Variants in NOTCH2 observed in about 807,000 individuals in gnomAD.
NOTCH2 encodes notch receptor 2.
A neutral mutation model predicts 235.8 loss-of-function variants in NOTCH2; 29 were observed. That is an observed-to-expected ratio of 0.12 (90% CI 0.09 to 0.17). The LOEUF is 0.17. Ranked by LOEUF, NOTCH2 falls within the 10% of genes least tolerant of loss-of-function variation. The probability of loss-of-function intolerance (pLI) is 1.00; values close to 1 mark genes in which losing one functional copy is unlikely to be tolerated. For missense variants in NOTCH2, 2,285 were observed against 3,150.2 expected (o/e 0.73, Z 6.57); for synonymous variants, 1,086 against 1,141.5 (o/e 0.95, Z 0.98).
At chr1:119,918,294 T>A in intron 32 of NOTCH2, 112 bp downstream of exon 32, 1 of 1,169,128 alleles carries the variant, frequency 8.6e-7, no homozygotes, top group Non-Finnish European at 1.3e-6. Flanking sequence ...AATGAGTGAA[T>A]CTCTCACGTA....
rs782806526 is a variant in NOTCH2 at position 119,948,501 on chromosome 1, G to A, written c.2665C>T (p.His889Tyr). Residue 889 changes from histidine to tyrosine, a missense_variant, in exon 17 of 34, where the codon CAT becomes TAT. By Grantham distance (83) the His-to-Tyr change is moderately conservative. Around this residue, in one of 6 missense-constraint regions of NOTCH2, gnomAD observed 1,173 missense variants for 1,515.3 expected, o/e 0.77. Transcript: ENST00000256646. ...SKPCMNHGLC[H>Y]NTQGSYMCEC... ...CACATGTAGCTGCCCTGGGTGTTAT[G>A]GCAGAGACCATGGTTCATGCAGGGC... is the stretch of plus-strand genomic sequence containing the variant. 6.2e-7 allele frequency: 1 copy of A among 1,614,156 alleles called. No homozygotes were observed. The highest frequency in any genetic ancestry group is 1.7e-5 in the Admixed American group (1 of 60,024).
At chr1:120,026,952 T>C (rs1303922475) in intron 2 of NOTCH2, among the ~76,000 whole-genome samples, 2 of 112,098 alleles carry the variant, frequency 1.8e-5, no homozygotes, top group Non-Finnish European at 3.7e-5. Flanking sequence ...TCCATTTTCT[T>C]TTTTTTTTTT....
intron 6 of NOTCH2, among the ~76,000 whole-genome samples, chr1:119,968,566 G>A (rs1265381317): frequency 1.3e-5 from 2 of 152,188 alleles, no homozygotes; most frequent in Non-Finnish European, 2.9e-5. Context: ...ATAAAATAGA[G>A]GATGTCCAGT....
Position 119,925,756 on chromosome 1 carries a change from C to A in NOTCH2, c.4060G>T (p.Gly1354Trp). ...SSCGQVKCRK[G>W]EQCVHTASGP... ...GAGGCGGTGTGCACACACTGCTCCC[C>A]CTTCCTACATTTCACTTGTCCACAG... Residue 1354 changes from glycine to tryptophan, a missense_variant, in exon 25 of 34, where the codon GGG becomes TGG. Physicochemically the swap from Gly to Trp is radical, Grantham distance 184 (BLOSUM62 -2). Transcript: ENST00000256646. The A allele has an allele frequency of 6.2e-7, 1 of 1,614,142 alleles. No individual in the cohort carries two copies. The highest frequency in any genetic ancestry group is 1.1e-5 in the South Asian group (1 of 91,080).
At chr1:119,949,846 T>C (rs1650401745) in intron 15 of NOTCH2, among the ~76,000 whole-genome samples, 1 of 152,186 alleles carries the variant, frequency 6.6e-6, no homozygotes, top group African/African-American at 2.4e-5. Context: ...TCAGCCATGC[T>C]CCTGACTGCA....
intron 17 of NOTCH2, among the ~76,000 whole-genome samples, chr1:119,943,609 A>G (rs1650145439): frequency 6.6e-6 from 1 of 152,228 alleles, no homozygotes; most frequent in Non-Finnish European, 1.5e-5. Context: ...TTTTTTTAAA[A>G]AAGATTTTTA....
intron 4 of NOTCH2, chr1:119,995,828 C>T (rs1481076354): frequency 2.6e-5 from 4 of 152,158 alleles, no homozygotes; most frequent in Non-Finnish European, 5.9e-5. Flanking sequence ...GCAGTCAATA[C>T]ATTTTTACCA....
At chr1:119,984,100 C>T (rs924794770) in intron 5 of NOTCH2, among the ~76,000 whole-genome samples, 2 of 152,150 alleles carry the variant, frequency 1.3e-5, no homozygotes, top group African/African-American at 4.8e-5. Context: ...GAAAAAGCAT[C>T]AGACTGAATC....
intron 31 of NOTCH2, among the ~76,000 whole-genome samples, 181 bp from the exon 32 acceptor site, chr1:119,918,734 G>GAATA (rs1649171258): frequency 6.6e-6 from 1 of 152,190 alleles, no homozygotes; most frequent in African/African-American, 2.4e-5. Context: ...TTTGTTGCAT[G>GAATA]AATAAATAAA....
chr1:120,048,002 G>A (rs587637026), intron 1 of NOTCH2, among the ~76,000 whole-genome samples: 3 of 151,638 alleles, frequency 2.0e-5, no homozygotes, highest in East Asian at 2.0e-4. Context: ...TCCTGATCTC[G>A]TGATCCGCCT....
rs781955440 is a variant in NOTCH2 at position 120,005,423 on chromosome 1, A to C, written c.321T>G (p.His107Gln). ...GGCAGGGTCGAGACACAAAGCATGG[A>C]TGAGATGTTGAGTACTGGCAGTCCT... ...TGEDCQYSTSHPCFVSRPCLN... is the reference protein window; with the variant it reads ...TGEDCQYSTSQPCFVSRPCLN... The change falls in exon 3 of 34, where the codon CAT becomes CAG. Residue 107 changes from histidine to glutamine, a missense_variant. Transcript: ENST00000256646. The C allele has an allele frequency of 6.2e-7, 1 of 1,614,020 alleles. No homozygotes were observed. The highest frequency in any genetic ancestry group is 1.1e-5 in the South Asian group (1 of 91,064).
Position 119,915,999 on chromosome 1 carries a change from C to G in NOTCH2, c.6723G>C (p.Leu2241Phe). The G allele has an allele frequency of 1.2e-6, 2 of 1,613,884 alleles. No individual in the cohort carries two copies. The highest frequency in any genetic ancestry group is 1.7e-6 in the Non-Finnish European group (2 of 1,180,036). ...VSPGSGSAGSLSRLHPVPVPA... is the reference protein window; with the variant it reads ...VSPGSGSAGSFSRLHPVPVPA... ...GGACTGGGACTGGATGGAGCCTACT[C>G]AAGCTTCCAGCACTGCCACTGCCTG... Residue 2241 changes from leucine (L) to phenylalanine (F), a missense_variant, in exon 34 of 34, where the codon TTG becomes TTC. This residue lies in a region of NOTCH2 where 504 missense variants were observed against 538.0 expected (regional missense o/e 0.94). Transcript: ENST00000256646.
At chr1:119,947,588 A>T (rs1650306553) in intron 17 of NOTCH2, among the ~76,000 whole-genome samples, 1 of 152,228 alleles carries the variant, frequency 6.6e-6, no homozygotes, top group African/African-American at 2.4e-5. Context: ...ACCTTGGAAA[A>T]CATTCTGGCA....
At chr1:119,917,832 A>G (rs1039417580) in intron 32 of NOTCH2, 70 bp from the exon 33 acceptor site, 17 of 994,198 alleles carry the variant, frequency 1.7e-5, no homozygotes, top group Admixed American at 1.5e-4. Flanking sequence ...GACTTGCACA[A>G]TGAAATCTTA....
At chr1:119,932,561 T>C (rs1457553140) in intron 22 of NOTCH2, among the ~76,000 whole-genome samples, 1 of 152,146 alleles carries the variant, frequency 6.6e-6, no homozygotes, top group East Asian at 1.9e-4. Context: ...CACTCCAGCC[T>C]GGGCAACAAG....
In NOTCH2 at chr1:120,069,366, G is replaced by T. The variant is rs587662181; in HGVS notation, c.41C>A (p.Ala14Glu). ...GGGGGCCGCGCAGCACAGCCAGAGC[G>T]CCAGCAGCGCCCACAGCAGAGCGGG... is the stretch of plus-strand genomic sequence containing the variant. ...LRPALLWALL[A>E]LWLCCAAPAH... The change falls in exon 1 of 34, where the codon GCG becomes GAG. Residue 14 changes from alanine (A) to glutamate (E), a missense_variant. Transcript: ENST00000256646. 118 of 1,570,894 alleles carry T rather than the reference G, an allele frequency of 7.5e-5. 1 individual carries two copies. In the South Asian group the frequency reaches 1.2e-3, roughly 17 times the overall value.
In NOTCH2 at chr1:119,948,406, A is replaced by G. The variant is rs587621243; in HGVS notation, c.2752+8T>C. On this transcript the variant is annotated splice_region_variant and intron_variant, in intron 17 of 33. Coordinates refer to ENST00000256646, the MANE Select transcript of NOTCH2 (RefSeq NM_024408.4). ...TCTGGGGGCTTAAGAGCTGACTGGCATACTCACTGGCAAGGCAGTCATCAA... is the reference window on the plus strand; with the variant it reads ...TCTGGGGGCTTAAGAGCTGACTGGCGTACTCACTGGCAAGGCAGTCATCAA... The G allele has an allele frequency of 7.3e-5, 118 of 1,614,024 alleles. 2 individuals are homozygous for G. In the South Asian group the frequency reaches 1.2e-3, roughly 16 times the overall value.
intron 1 of NOTCH2, among the ~76,000 whole-genome samples, chr1:120,067,577 G>A (rs1310130321): frequency 2.6e-5 from 4 of 151,946 alleles, no homozygotes; most frequent in African/African-American, 9.7e-5. Context: ...TGCTTCATAG[G>A]TGAGGAGACT....
intron 1 of NOTCH2, among the ~76,000 whole-genome samples, chr1:120,046,191 A>C (rs1654783459): frequency 7.8e-6 from 1 of 127,980 alleles, no homozygotes; most frequent in Non-Finnish European, 1.6e-5. Flanking sequence ...AAGAAACTGG[A>C]TAAACCTGGT....
Sources: gnomAD v4.1 joint callset for allele counts (sites outside exome capture counted in the v4.1 genomes callset) on GRCh38, gnomAD v4.1.1 for gene constraint, gnomAD v4.1.1 regional missense constraint, MANE v1.5 for transcripts, NCBI Gene and HGNC (gene_info 2026-07-23, HGNC 2026-07-21) for gene names.